The following DGUOK variants were observed in gnomAD, a reference collection of about 807,000 sequenced individuals.
DGUOK encodes the protein deoxyguanosine kinase, mitochondrial.
A neutral mutation model predicts 36.6 loss-of-function variants in DGUOK; 30 were observed. The ratio of observed to expected loss-of-function variants is 0.82; its 90% confidence interval spans 0.61 to 1.11. The LOEUF is 1.11. Among genes scored for constraint, DGUOK ranks in the 50% most tolerant of loss-of-function variants. DGUOK has a pLI of 0.00. For synonymous variants in DGUOK, 145 were observed against 126.3 expected (o/e 1.15, Z -0.99); for missense variants, 361 against 336.4 (o/e 1.07, Z -0.57).
chr2:73,944,517 T>G (rs1682144358), intron 2 of DGUOK, among the ~76,000 whole-genome samples: 1 of 152,206 alleles, frequency 6.6e-6, no homozygotes, highest in Admixed American at 6.6e-5. Flanking sequence ...AGGCCGTATC[T>G]TTTGTTTTCT....
chr2:73,932,598 G>T, intron 1 of DGUOK: 1 of 1,296,084 alleles, frequency 7.7e-7, no homozygotes, highest in Non-Finnish European at 1.0e-6. Flanking sequence ...CTAATCACAG[G>T]TAACATCCTC....
rs1270039159 is a variant in DGUOK, at chr2:73,957,129, G to A, written c.596G>A (p.Cys199Tyr). ...GGCTTGGGGACTGTCTTTTAGGTTT[G>A]TTTGAAGAGACTGTACCAGAGGGCC... ...FIYLQASPQV[C>Y]LKRLYQRARE... The change falls in exon 5 of 7, where the codon TGT (cysteine) becomes TAT (tyrosine). Residue 199 changes from cysteine (C) to tyrosine (Y), a missense_variant. Transcript: ENST00000264093. 1 of 1,613,376 alleles carries A rather than the reference G, an allele frequency of 6.2e-7. No homozygotes were observed. Among genetic ancestry groups the A allele is most frequent in the Admixed American group, 1.7e-5 (1 of 60,006 alleles).
At chr2:73,932,496 C>A in intron 1 of DGUOK, 2 of 623,604 alleles carry the variant, frequency 3.2e-6, no homozygotes, top group Non-Finnish European at 5.0e-6. Context: ...ATTCTTGAAT[C>A]CTGTGCTATG....
intron 1 of DGUOK, among the ~76,000 whole-genome samples, chr2:73,928,208 A>C (rs113014576): frequency 0.056 from 8,453 of 152,198 alleles, 263 homozygotes; most frequent in South Asian, 0.086. Flanking sequence ...ACTCACTGCA[A>C]CCTCTGCCTC....
chr2:73,950,581 C>T lies in DGUOK; in HGVS notation c.444-4C>T, dbSNP rs1262840540. The T allele has an allele frequency of 1.2e-6, 2 of 1,614,140 alleles. No homozygotes were observed. The highest frequency in any genetic ancestry group is 4.5e-5 in the East Asian group (2 of 44,880). ...CTCCCCATTCCCATCCCACTTCCAA[C>T]CAGGTATATCTTTGCAAAGAATCTT... On this transcript the variant is annotated splice_polypyrimidine_tract_variant and splice_region_variant and intron_variant, in intron 3 of 6. Transcript: ENST00000264093.
intron 3 of DGUOK, chr2:73,947,633 C>T (rs988454973): frequency 1.3e-5 from 2 of 154,478 alleles, no homozygotes; most frequent in African/African-American, 4.8e-5. Context: ...GCCGTGCAGG[C>T]TCCGGAATGC....
chr2:73,955,021 T>C (rs1426448873), intron 4 of DGUOK, among the ~76,000 whole-genome samples: 4 of 152,220 alleles, frequency 2.6e-5, no homozygotes, highest in Non-Finnish European at 4.4e-5. Flanking sequence ...GGAGTTTACT[T>C]CGACCTCTTT....
chr2:73,956,405 G>A (rs973993377), intron 4 of DGUOK, among the ~76,000 whole-genome samples: 1 of 152,112 alleles, frequency 6.6e-6, no homozygotes, highest in African/African-American at 2.4e-5. Flanking sequence ...TGAACCCTGG[G>A]GCTATGGCTG....
intron 2 of DGUOK, among the ~76,000 whole-genome samples, chr2:73,941,925 T>C (rs1034616099): frequency 6.6e-6 from 1 of 151,720 alleles, no homozygotes; most frequent in Non-Finnish European, 1.5e-5. Flanking sequence ...TTTTTTTTTT[T>C]TGAAACGGGG....
At chr2:73,927,347 G>A (rs1680679913) in intron 1 of DGUOK, among the ~76,000 whole-genome samples, 1 of 152,228 alleles carries the variant, frequency 6.6e-6, no homozygotes, top group South Asian at 2.1e-4. Flanking sequence ...AAATTGAAGC[G>A]ACAAGCGGGT....
At chr2:73,948,705 G>A (rs1232775541) in intron 3 of DGUOK, among the ~76,000 whole-genome samples, 3 of 152,166 alleles carry the variant, frequency 2.0e-5, no homozygotes, top group Non-Finnish European at 4.4e-5. Context: ...TTTTCTGTTT[G>A]AGTTAAAGGA....
chr2:73,943,467 G>A (rs1203799866), intron 2 of DGUOK, among the ~76,000 whole-genome samples: 2 of 151,858 alleles, frequency 1.3e-5, no homozygotes, highest in African/African-American at 4.8e-5. Flanking sequence ...TGGCCCATGT[G>A]TAGTTTGTGA....
chr2:73,938,824 T>C (rs1264887243), intron 1 of DGUOK, 86 bp from the exon 2 acceptor site: 6 of 876,944 alleles, frequency 6.8e-6, no homozygotes, highest in East Asian at 2.4e-5. Context: ...CCCTTGAGTT[T>C]GGGCGTTTGT....
chr2:73,930,834 C>T (rs1320487805), intron 1 of DGUOK, among the ~76,000 whole-genome samples: 2 of 134,160 alleles, frequency 1.5e-5, no homozygotes, highest in Non-Finnish European at 3.1e-5. Context: ...CTTGCTCTGG[C>T]ACCCAGGCTG....
chr2:73,950,065 C>T (rs1178868287), intron 3 of DGUOK, among the ~76,000 whole-genome samples: 1 of 152,222 alleles, frequency 6.6e-6, no homozygotes, highest in Non-Finnish European at 1.5e-5. Context: ...CACATAAATA[C>T]TATTTCTTCT....
chr2:73,946,132 G>A (rs969825954), intron 2 of DGUOK, among the ~76,000 whole-genome samples: 1 of 151,794 alleles, frequency 6.6e-6, no homozygotes, highest in East Asian at 1.9e-4. Flanking sequence ...TAAGTGGAAC[G>A]TTTTAATTAT....
chr2:73,958,808 C>A lies in DGUOK; in HGVS notation c.*72C>A. On this transcript the variant is annotated 3_prime_UTR_variant, in exon 7 of 7. Coordinates refer to ENST00000264093, the MANE Select transcript of DGUOK (RefSeq NM_080916.3). ...GAAGCTAGAAAAATGTTGTGTCTCC[C>A]AACCACCTTTCCATCCCCAGCCCCT... 7.5e-7 allele frequency: 1 copy of A among 1,328,254 alleles called. No homozygotes were observed. The highest frequency in any genetic ancestry group is 1.1e-6 in the Non-Finnish European group (1 of 918,590). The allele number at this position is 1,328,254 out of a possible 1,614,324, so 82.3% of individuals were successfully genotyped here.
chr2:73,929,704 G>A (rs1043295937), intron 1 of DGUOK, among the ~76,000 whole-genome samples: 3 of 152,160 alleles, frequency 2.0e-5, no homozygotes, highest in Admixed American at 6.5e-5. Flanking sequence ...CAGTGGGAGG[G>A]AATGATCAGC....
rs1389995669 is a variant in DGUOK at position 73,926,941 on chromosome 2, CT to C, written c.33del (p.Arg12GlufsTer44). 6.2e-7 allele frequency: 1 copy of C among 1,613,444 alleles called. No homozygotes were observed. The highest frequency in any genetic ancestry group is 2.2e-5 in the East Asian group (1 of 44,898). On this transcript the variant is annotated frameshift_variant, in exon 1 of 7. Coordinates refer to ENST00000264093, the MANE Select transcript of DGUOK (RefSeq NM_080916.3). LOFTEE classifies it high-confidence loss of function. ...CGCGGGCCGCCTCTTTCTAAGTCGGCTTCGAGCACCCTTCAGTTCCATGGCC... is the reference window on the plus strand; with the variant it reads ...CGCGGGCCGCCTCTTTCTAAGTCGGCTCGAGCACCCTTCAGTTCCATGGCC... MAAGRLFLSR[L>X]RAPFSSMAKS...
Sources: gnomAD v4.1 joint callset for allele counts (sites outside exome capture counted in the v4.1 genomes callset) on GRCh38, gnomAD v4.1.1 for gene constraint, MANE v1.5 for transcripts, NCBI Gene and HGNC (gene_info 2026-07-23, HGNC 2026-07-21) for gene names.